The following SCGN variants were observed in gnomAD, a reference collection of about 807,000 sequenced individuals.
The protein encoded by SCGN is secretagogin, EF-hand calcium binding protein, also known as secretagogin.
Under a neutral mutation model 39.7 loss-of-function variants are expected in SCGN, and 30 were observed. The ratio of observed to expected loss-of-function variants is 0.76; its 90% CI spans 0.57 to 1.03. The LOEUF (loss-of-function observed/expected upper bound fraction) is 1.03, where lower values mean the gene tolerates loss of function less well. Ranked by LOEUF, SCGN falls within the 50% of genes least tolerant of loss-of-function variation. The pLI, the probability that SCGN is intolerant of heterozygous loss-of-function variation, is 0.00. For synonymous variants in SCGN, 106 were observed against 114.1 expected (o/e 0.93, Z 0.45); for missense variants, 353 against 349.4 (o/e 1.01, Z -0.08).
intron 10 of SCGN, among the ~76,000 whole-genome samples, chr6:25,698,568 T>G (rs561113864): frequency 6.6e-6 from 1 of 152,244 alleles, no homozygotes; most frequent in Non-Finnish European, 1.5e-5. Context: ...CACATTGCAC[T>G]GTACAACAAA....
chr6:25,662,283 G>A (rs1173537071), intron 3 of SCGN, among the ~76,000 whole-genome samples: 1 of 152,182 alleles, frequency 6.6e-6, no homozygotes, highest in Non-Finnish European at 1.5e-5. Flanking sequence ...TATTCCCATA[G>A]TAGTTAAGAT....
At chr6:25,678,494 G>T (rs1041025038) in intron 6 of SCGN, among the ~76,000 whole-genome samples, 4 of 152,310 alleles carry the variant, frequency 2.6e-5, no homozygotes, top group Non-Finnish European at 5.9e-5. Context: ...GGAGTTTGCA[G>T]TCTAGCATTT....
At chr6:25,656,610 G>A (rs1271649980) in intron 2 of SCGN, among the ~76,000 whole-genome samples, 1 of 152,120 alleles carries the variant, frequency 6.6e-6, no homozygotes, top group Non-Finnish European at 1.5e-5. Context: ...ACCACATCCT[G>A]GGCCTCTTTC....
At chr6:25,699,185 A>G (rs1254558758) in intron 10 of SCGN, among the ~76,000 whole-genome samples, 3 of 152,156 alleles carry the variant, frequency 2.0e-5, no homozygotes, top group Non-Finnish European at 4.4e-5. Flanking sequence ...TGGAAATTTG[A>G]CTAAATTTGT....
At chr6:25,699,383 G>A (rs1759878589) in intron 10 of SCGN, among the ~76,000 whole-genome samples, 1 of 151,990 alleles carries the variant, frequency 6.6e-6, no homozygotes, top group South Asian at 2.1e-4. Context: ...CAGGTCAGGA[G>A]TTTGAGATCA....
Position 25,669,527 on chromosome 6 carries a change from A to G in SCGN, c.353A>G (p.Asp118Gly). Residue 118 changes from aspartate (D) to glycine (G), a missense_variant, in exon 5 of 11, where the codon GAC becomes GGC. Asp to Gly is a moderately conservative substitution (Grantham distance 94). Transcript: ENST00000377961. ...VEFMQIWRKY[D>G]ADSSGFISAA... ...GTATTTCAGATTTGGCGCAAATATG[A>G]CGCTGACAGCAGTGGCTTTATATCA... 6.2e-7 allele frequency: 1 copy of G among 1,613,664 alleles called. No individual in the cohort carries two copies. Among genetic ancestry groups the G allele is most frequent in the Non-Finnish European group, 8.5e-7 (1 of 1,179,616 alleles).
chr6:25,660,875 G>A (rs900251463), intron 2 of SCGN, among the ~76,000 whole-genome samples: 4 of 152,140 alleles, frequency 2.6e-5, no homozygotes, highest in Non-Finnish European at 5.9e-5. Context: ...TCTTACAATT[G>A]GGCACTGTTT....
chr6:25,681,944 A>G lies in SCGN; in HGVS notation c.472-7A>G. The G allele has an allele frequency of 6.2e-7, 1 of 1,611,984 alleles. No individual in the cohort carries two copies. The highest frequency in any genetic ancestry group is 8.5e-7 in the Non-Finnish European group (1 of 1,178,026). ...CAAGTACAACCATTTTCCCTTCTGC[A>G]TTTCAGATGAAGATTTTTGACAGAA... is the stretch of plus-strand genomic sequence containing the variant. On this transcript the variant is annotated splice_polypyrimidine_tract_variant and splice_region_variant and intron_variant, in intron 6 of 10. Transcript: ENST00000377961.
intron 3 of SCGN, among the ~76,000 whole-genome samples, chr6:25,661,896 C>A (rs1760344876): frequency 2.6e-5 from 4 of 152,050 alleles, no homozygotes; most frequent in African/African-American, 7.2e-5. Context: ...AATATTTGTA[C>A]CTGTTTTATA....
chr6:25,689,062 A>G (rs1277310724), intron 7 of SCGN, 110 bp from the exon 8 acceptor site: 2 of 677,292 alleles, frequency 3.0e-6, no homozygotes, highest in Non-Finnish European at 2.5e-6. Context: ...TCAAGTACCT[A>G]TTCTGTTCTG....
At chr6:25,694,030 A>G (rs1759808357) in intron 10 of SCGN, among the ~76,000 whole-genome samples, 1 of 152,242 alleles carries the variant, frequency 6.6e-6, no homozygotes, top group African/African-American at 2.4e-5. Context: ...ACTAATTAAT[A>G]CCATGGTAAT....
intron 6 of SCGN, among the ~76,000 whole-genome samples, chr6:25,680,414 A>T (rs562434535): frequency 2.7e-4 from 41 of 152,172 alleles, no homozygotes; most frequent in African/African-American, 8.7e-4. Flanking sequence ...TAGGCAAATG[A>T]TTTTTTTCCT....
At position 25,700,090 on chromosome 6, in the gene SCGN, C is replaced by G. The variant is rs140009003; in HGVS notation, c.703-1117C>G. ...ATGAAACCCTATCTCTACTAAAATA[C>G]AAAAATTAGCCGGGCATGATGGCGG... On this transcript the variant is annotated intron_variant, in intron 10 of 10. Transcript: ENST00000377961. 6.5e-4 allele frequency among the ~76,000 whole-genome samples: 99 copies of G among 151,778 alleles called. 2 individuals are homozygous for G. The East Asian group carries it at 0.017, about 26-fold the overall frequency.
At chr6:25,658,922 A>G (rs1760283747) in intron 2 of SCGN, among the ~76,000 whole-genome samples, 1 of 152,234 alleles carries the variant, frequency 6.6e-6, no homozygotes, top group Non-Finnish European at 1.5e-5. Flanking sequence ...TTCCCTATAT[A>G]TCCAGTATCC....
chr6:25,691,679 T>A (rs962013369), intron 10 of SCGN, among the ~76,000 whole-genome samples: 12 of 152,232 alleles, frequency 7.9e-5, no homozygotes, highest in Non-Finnish European at 1.6e-4. Context: ...CGAGGTCCTG[T>A]TGAACTGTAT....
intron 6 of SCGN, among the ~76,000 whole-genome samples, chr6:25,676,135 T>C (rs1759560341): frequency 6.6e-6 from 1 of 152,210 alleles, no homozygotes; most frequent in Non-Finnish European, 1.5e-5. Context: ...GCAAATCTTA[T>C]TGAACACATT....
chr6:25,699,607 A>C (rs577820402), intron 10 of SCGN, among the ~76,000 whole-genome samples: 1 of 151,712 alleles, frequency 6.6e-6, no homozygotes, highest in African/African-American at 2.4e-5. Flanking sequence ...AAAAAAAAAA[A>C]AAAGAAAAGA....
At chr6:25,681,838 C>T in intron 6 of SCGN, 113 bp from the exon 7 acceptor site, 2 of 838,894 alleles carry the variant, frequency 2.4e-6, no homozygotes, top group Middle Eastern at 2.2e-4. Context: ...AAGTGGGCTC[C>T]TCAGCCAATT....
At chr6:25,680,855 A>T (rs954974415) in intron 6 of SCGN, among the ~76,000 whole-genome samples, 1 of 152,202 alleles carries the variant, frequency 6.6e-6, no homozygotes, top group African/African-American at 2.4e-5. Flanking sequence ...TTTCAAATTC[A>T]TTTGAAATAT....
Sources: gnomAD v4.1 joint callset for allele counts (sites outside exome capture counted in the v4.1 genomes callset) on GRCh38, gnomAD v4.1.1 for gene constraint, MANE v1.5 for transcripts, NCBI Gene and HGNC (gene_info 2026-07-23, HGNC 2026-07-21) for gene names.